CC2D2B: variants seen among roughly 807,000 people sequenced by gnomAD.
CC2D2B encodes the protein protein CC2D2B.
A neutral mutation model predicts 161.2 loss-of-function variants in CC2D2B; 128 were observed. That is an observed-to-expected ratio of 0.79 (90% CI 0.69 to 0.92). CC2D2B has a LOEUF of 0.92. CC2D2B is among the 40% of genes least tolerant of loss of function. The pLI is 0.00. For synonymous variants in CC2D2B, 391 were observed against 449.8 expected (o/e 0.87, Z 1.65); for missense variants, 1,173 against 1,375.1 (o/e 0.85, Z 2.32).
intron 14 of CC2D2B, among the ~76,000 whole-genome samples, chr10:95,968,089 C>A (rs997913885): frequency 2.6e-5 from 4 of 152,188 alleles, no homozygotes; most frequent in African/African-American, 9.7e-5. Flanking sequence ...ACTTATGCCT[C>A]AACAAGTGTT....
chr10:95,947,364 C>T (rs1326419094), intron 9 of CC2D2B, among the ~76,000 whole-genome samples: 2 of 151,122 alleles, frequency 1.3e-5, no homozygotes, highest in Non-Finnish European at 3.0e-5. Flanking sequence ...CCACCTGCCT[C>T]GGCCTCCCAA....
At chr10:95,930,344 G>A (rs2098547742) in intron 6 of CC2D2B, among the ~76,000 whole-genome samples, 1 of 152,192 alleles carries the variant, frequency 6.6e-6, no homozygotes, top group Non-Finnish European at 1.5e-5. Flanking sequence ...TCTGCAAACA[G>A]AGACAATTTG....
chr10:95,908,210 C>G (rs1160949209), intron 1 of CC2D2B, among the ~76,000 whole-genome samples, 153 bp downstream of exon 1: 1 of 152,194 alleles, frequency 6.6e-6, no homozygotes, highest in Non-Finnish European at 1.5e-5. Flanking sequence ...AGTTCGGGGG[C>G]CTGGCCGACC....
At chr10:95,919,883 C>A (rs531113805) in intron 2 of CC2D2B, 1 of 151,728 alleles carries the variant, frequency 6.6e-6, no homozygotes, top group African/African-American at 2.4e-5. Context: ...AAAACTAAGT[C>A]CTCTCTGCTT....
chr10:95,996,812 C>T (rs1780614798), intron 24 of CC2D2B, among the ~76,000 whole-genome samples: 1 of 152,196 alleles, frequency 6.6e-6, no homozygotes, highest in African/African-American at 2.4e-5. Flanking sequence ...CCCCAAAATT[C>T]ATGTGTTGAA....
intron 30 of CC2D2B, among the ~76,000 whole-genome samples, chr10:96,017,040 TA>T (rs2079232446): frequency 6.6e-6 from 1 of 152,190 alleles, no homozygotes; most frequent in Non-Finnish European, 1.5e-5. Context: ...CTAATAAGTG[TA>T]TTTTAAGATC....
At chr10:95,916,421 A>G (rs929144870) in intron 2 of CC2D2B, among the ~76,000 whole-genome samples, 7 of 151,330 alleles carry the variant, frequency 4.6e-5, no homozygotes, top group Admixed American at 3.3e-4. Context: ...TGTTTTTACT[A>G]TTTCTTCTAT....
chr10:95,979,348 G>T (rs1470965109), intron 17 of CC2D2B, among the ~76,000 whole-genome samples: 2 of 152,108 alleles, frequency 1.3e-5, no homozygotes, highest in African/African-American at 4.8e-5. Flanking sequence ...ACAGATCTAG[G>T]TATCTGGTGA....
intron 6 of CC2D2B, among the ~76,000 whole-genome samples, chr10:95,932,658 T>C (rs951008774): frequency 1.3e-5 from 2 of 152,244 alleles, no homozygotes; most frequent in African/African-American, 4.8e-5. Flanking sequence ...TGGCTGAATA[T>C]GAAATTCTGG....
intron 5 of CC2D2B, among the ~76,000 whole-genome samples, chr10:95,925,313 G>C (rs1240330581): frequency 6.6e-6 from 1 of 152,202 alleles, no homozygotes; most frequent in Non-Finnish European, 1.5e-5. Context: ...TTAGAGATTA[G>C]TTGGCAGTTT....
chr10:95,922,147 GT>G, intron 3 of CC2D2B, 71 bp downstream of exon 3: 3 of 829,452 alleles, frequency 3.6e-6, no homozygotes, highest in Non-Finnish European at 5.6e-6. Flanking sequence ...GATTAATCCT[GT>G]GCCAGGGTTT....
intron 17 of CC2D2B, among the ~76,000 whole-genome samples, chr10:95,977,804 T>A (rs977933301): frequency 2.6e-5 from 4 of 152,246 alleles, no homozygotes; most frequent in Admixed American, 2.6e-4. Flanking sequence ...TTTATAAGTC[T>A]GCTATTGGTC....
chr10:95,915,416 C>G (rs2098514386), intron 2 of CC2D2B, among the ~76,000 whole-genome samples: 1 of 152,078 alleles, frequency 6.6e-6, no homozygotes, highest in Non-Finnish European at 1.5e-5. Context: ...CGTCTGATTG[C>G]TCTAGCTAGG....
intron 29 of CC2D2B, among the ~76,000 whole-genome samples, chr10:96,015,479 T>TTC (rs200728073): frequency 1.3e-5 from 2 of 151,404 alleles, no homozygotes; most frequent in East Asian, 3.9e-4. Context: ...GTTTTTTTTT[T>TTC]CAACAAAATC....
chr10:95,914,332 T>C (rs543848167), intron 2 of CC2D2B, among the ~76,000 whole-genome samples: 98 of 150,460 alleles, frequency 6.5e-4, no homozygotes, highest in Non-Finnish European at 1.2e-3. Context: ...TGTGTGCGCG[T>C]GTGTGTGTGT....
At chr10:96,026,485 A>T (rs1036542618) in intron 33 of CC2D2B, among the ~76,000 whole-genome samples, 4 of 152,128 alleles carry the variant, frequency 2.6e-5, no homozygotes, top group Admixed American at 1.3e-4. Flanking sequence ...ATCCCTGCTA[A>T]CATCATCCCA....
At chr10:95,972,346 T>C (rs1342773675) in intron 16 of CC2D2B, 130 bp downstream of exon 16, 1 of 641,408 alleles carries the variant, frequency 1.6e-6, no homozygotes, top group South Asian at 8.4e-5. Context: ...GTTTGTTTGT[T>C]TGAGACAGAA....
At chr10:95,915,029 A>C (rs999963156) in intron 2 of CC2D2B, among the ~76,000 whole-genome samples, 2 of 151,804 alleles carry the variant, frequency 1.3e-5, no homozygotes, top group African/African-American at 2.4e-5. Flanking sequence ...AACAATATTG[A>C]CTCTTCCAAT....
chr10:95,998,759 C>T (rs1762256504), intron 24 of CC2D2B, among the ~76,000 whole-genome samples: 1 of 152,132 alleles, frequency 6.6e-6, no homozygotes, highest in African/African-American at 2.4e-5. Context: ...GGATAAGGTC[C>T]ACCCTTATTA....
Sources: allele counts gnomAD v4.1 joint callset (sites outside exome capture counted in the v4.1 genomes callset), GRCh38; gene constraint gnomAD v4.1.1; transcripts MANE v1.5; gene names NCBI Gene and HGNC (gene_info 2026-07-23, HGNC 2026-07-21).